SLIT2: variants seen among roughly 807,000 people sequenced by gnomAD.
The protein encoded by SLIT2 is slit homolog 2 protein.
In SLIT2, 41 loss-of-function variants were observed where a neutral mutation model predicts 185.7. The ratio of observed to expected loss-of-function variants is 0.22; its 90% CI spans 0.17 to 0.29. The LOEUF is 0.29. Among genes scored for constraint, SLIT2 ranks in the 10% least tolerant of loss-of-function variants. SLIT2 has a pLI of 1.00. For missense variants in SLIT2, 1,571 were observed against 1,909.0 expected (o/e 0.82, Z 3.30); for synonymous variants, 693 against 680.2 (o/e 1.02, Z -0.29).
chr4:20,374,809 A>G (rs1463507754), intron 4 of SLIT2, among the ~76,000 whole-genome samples: 1 of 152,072 alleles, frequency 6.6e-6, no homozygotes, highest in Non-Finnish European at 1.5e-5. Context: ...AAATTAATGC[A>G]TGGTTTCTTC....
chr4:20,518,083 G>GTATATA (rs533312464), intron 11 of SLIT2, among the ~76,000 whole-genome samples: 9 of 132,710 alleles, frequency 6.8e-5, no homozygotes, highest in Admixed American at 3.8e-4. Flanking sequence ...ATATGTGTGT[G>GTATATA]TATATATATA....
intron 5 of SLIT2, among the ~76,000 whole-genome samples, chr4:20,478,839 TAAA>T (rs1389655618): frequency 6.6e-6 from 1 of 152,050 alleles, no homozygotes. Flanking sequence ...CACTTTAAAA[TAAA>T]AAAGGCTATT....
At chr4:20,609,629 T>C (rs1311619588) in intron 33 of SLIT2, among the ~76,000 whole-genome samples, 4 of 152,212 alleles carry the variant, frequency 2.6e-5, no homozygotes, top group African/African-American at 9.6e-5. Flanking sequence ...CAGGCCTAGT[T>C]TCCTTGTCTT....
At chr4:20,300,781 A>T (rs1716967144) in intron 4 of SLIT2, among the ~76,000 whole-genome samples, 1 of 152,126 alleles carries the variant, frequency 6.6e-6, no homozygotes, top group Admixed American at 6.6e-5. Flanking sequence ...ATCAAGCACT[A>T]GGCTTTTATG....
intron 4 of SLIT2, among the ~76,000 whole-genome samples, chr4:20,461,396 T>G (rs1713693252): frequency 6.6e-6 from 1 of 152,010 alleles, no homozygotes; most frequent in Admixed American, 6.6e-5. Flanking sequence ...AAAGAAAGGA[T>G]AAAAATAGAT....
At chr4:20,404,634 T>C (rs1002155750) in intron 4 of SLIT2, among the ~76,000 whole-genome samples, 2 of 151,968 alleles carry the variant, frequency 1.3e-5, no homozygotes, top group African/African-American at 4.8e-5. Context: ...AATGAATGCA[T>C]GAATGAATGA....
At chr4:20,271,611 C>T (rs924836104) in intron 4 of SLIT2, among the ~76,000 whole-genome samples, 48 of 150,054 alleles carry the variant, frequency 3.2e-4, no homozygotes, top group African/African-American at 1.1e-3. Flanking sequence ...TAGGTTGTTC[C>T]GAGATACGAA....
rs1009318941 is a variant in SLIT2 at position 20,470,097 on chromosome 4, G to A, written c.467+2274G>A. Among the ~76,000 whole-genome samples the A allele has an allele frequency of 2.6e-5, 4 of 152,028 alleles. No individual in the cohort carries two copies. In the East Asian group the frequency reaches 7.7e-4, roughly 29 times the overall value. On this transcript the variant is annotated intron_variant, in intron 5 of 36. Transcript: ENST00000504154. ...AGTAAACAATAGTTATTTGGGTTTG[G>A]TATGGTTATTAGGGAAAGAAGATGT...
intron 4 of SLIT2, among the ~76,000 whole-genome samples, chr4:20,284,562 A>G (rs534618585): frequency 1.4e-4 from 22 of 152,318 alleles, no homozygotes; most frequent in Middle Eastern, 3.4e-3. Flanking sequence ...TCATCTTTTT[A>G]ATATCTTTGC....
chr4:20,284,221 T>C (rs141352582), intron 4 of SLIT2, among the ~76,000 whole-genome samples: 94 of 152,344 alleles, frequency 6.2e-4, no homozygotes, highest in African/African-American at 2.1e-3. Flanking sequence ...CACCTTCCCA[T>C]ATGCAGATGT....
intron 4 of SLIT2, among the ~76,000 whole-genome samples, chr4:20,320,443 T>G (rs1335447324): frequency 6.6e-6 from 1 of 152,158 alleles, no homozygotes; most frequent in Non-Finnish European, 1.5e-5. Flanking sequence ...CCAGCCTCCT[T>G]AGATGTAAAA....
At chr4:20,259,949 C>G (rs1444340205) in intron 3 of SLIT2, among the ~76,000 whole-genome samples, 2 of 151,796 alleles carry the variant, frequency 1.3e-5, no homozygotes, top group African/African-American at 4.8e-5. Context: ...ATCTGACAGC[C>G]AATTCATTTC....
intron 7 of SLIT2, among the ~76,000 whole-genome samples, chr4:20,487,091 A>T (rs2148790293): frequency 6.6e-6 from 1 of 152,242 alleles, no homozygotes; most frequent in Middle Eastern, 3.4e-3. Flanking sequence ...GGAAAATATT[A>T]ATTTTATTTT....
chr4:20,342,717 CTTTTTTTT>C (rs11373611), intron 4 of SLIT2, among the ~76,000 whole-genome samples: 6 of 69,680 alleles, frequency 8.6e-5, no homozygotes, highest in African/African-American at 1.2e-4. Flanking sequence ...GACTATCGCA[CTTTTTTTT>C]TTTTTTTTTT....
At chr4:20,291,292 C>T (rs1470131872) in intron 4 of SLIT2, among the ~76,000 whole-genome samples, 1 of 151,450 alleles carries the variant, frequency 6.6e-6, no homozygotes. Context: ...GCACATTCTT[C>T]AAGGATTGTC....
intron 4 of SLIT2, among the ~76,000 whole-genome samples, chr4:20,414,772 C>T (rs190961303): frequency 7.2e-5 from 11 of 152,180 alleles, no homozygotes; most frequent in East Asian, 5.8e-4. Flanking sequence ...AATGATGGTC[C>T]GCTTTTTTCT....
At chr4:20,488,432 G>A (rs529825145) in intron 7 of SLIT2, among the ~76,000 whole-genome samples, 81 of 152,126 alleles carry the variant, frequency 5.3e-4, no homozygotes, top group Non-Finnish European at 1.0e-3. Flanking sequence ...ATTTCAAACT[G>A]GGAGCCACAA....
intron 4 of SLIT2, among the ~76,000 whole-genome samples, chr4:20,449,213 C>G (rs534537627): frequency 1.3e-4 from 19 of 151,976 alleles, no homozygotes; most frequent in African/African-American, 4.6e-4. Flanking sequence ...GGAAGAAATC[C>G]AGGTAGGATT....
chr4:20,461,915 C>G lies in SLIT2; in HGVS notation c.396-5837C>G, dbSNP rs373659745. Among the ~76,000 whole-genome samples, 171 of 152,196 alleles carry G rather than the reference C, an allele frequency of 1.1e-3. 3 individuals carry two copies. The South Asian group carries it at 0.033, about 29-fold the overall frequency. ...AAATCAGTTTGGAGTCTCAGTCATCCATGAAGAGTGTTGATGAGGTTTCTA... is the reference window on the plus strand; with the variant it reads ...AAATCAGTTTGGAGTCTCAGTCATCGATGAAGAGTGTTGATGAGGTTTCTA... On this transcript the variant is annotated intron_variant, in intron 4 of 36. Coordinates refer to ENST00000504154, the MANE Select transcript of SLIT2 (RefSeq NM_004787.4).
Sources: gnomAD v4.1 joint callset for allele counts (sites outside exome capture counted in the v4.1 genomes callset) on GRCh38, gnomAD v4.1.1 for gene constraint, MANE v1.5 for transcripts, NCBI Gene and HGNC (gene_info 2026-07-23, HGNC 2026-07-21) for gene names.